Variants in HSD17B3 observed in about 807,000 individuals in gnomAD.
HSD17B3 encodes hydroxysteroid 17-beta dehydrogenase 3, also known as 17-beta-hydroxysteroid dehydrogenase type 3.
Under a neutral mutation model 41.1 loss-of-function variants are expected in HSD17B3, and 29 were observed. The ratio of observed to expected loss-of-function variants is 0.71; its 90% CI spans 0.53 to 0.96. The LOEUF is 0.96. Ranked by LOEUF, HSD17B3 falls within the 40% of genes least tolerant of loss-of-function variation. HSD17B3 has a pLI of 0.00. For missense variants in HSD17B3, 323 were observed against 374.6 expected (o/e 0.86, Z 1.14); for synonymous variants, 126 against 145.6 (o/e 0.87, Z 0.97).
intron 5 of HSD17B3, chr9:96,250,276 C>G (rs548298794): frequency 5.3e-5 from 58 of 1,091,550 alleles, no homozygotes; most frequent in African/African-American, 6.4e-5. Flanking sequence ...AACACAGACA[C>G]ACACAGGCAG....
intron 2 of HSD17B3, among the ~76,000 whole-genome samples, chr9:96,294,297 A>G (rs1827268066): frequency 6.6e-6 from 1 of 152,234 alleles, no homozygotes. Context: ...AAAGTCCACA[A>G]GGAGAAGTAC....
chr9:96,259,861 TTGTTCTGATAGTC>T (rs1307446125), intron 2 of HSD17B3, among the ~76,000 whole-genome samples: 1 of 152,212 alleles, frequency 6.6e-6, no homozygotes, highest in Non-Finnish European at 1.5e-5. Context: ...AATTTTTTAT[TTGTTCTGATAGTC>T]TGTTCATCAG....
intron 2 of HSD17B3, among the ~76,000 whole-genome samples, chr9:96,293,784 A>G (rs957930370): frequency 8.6e-5 from 13 of 152,020 alleles, no homozygotes; most frequent in Non-Finnish European, 1.5e-5. Flanking sequence ...TAAATATCCA[A>G]TAAGAACAAA....
At chr9:96,270,486 G>A (rs1269110113) in intron 2 of HSD17B3, among the ~76,000 whole-genome samples, 1 of 152,226 alleles carries the variant, frequency 6.6e-6, no homozygotes, top group Non-Finnish European at 1.5e-5. Context: ...AGTGCAGATG[G>A]AGGAATTTAG....
chr9:96,266,064 A>G (rs1170199129), intron 2 of HSD17B3, among the ~76,000 whole-genome samples: 1 of 152,258 alleles, frequency 6.6e-6, no homozygotes, highest in Non-Finnish European at 1.5e-5. Flanking sequence ...TAAGCAGCAC[A>G]CAATATGAGG....
At chr9:96,258,544 CA>C (rs1825747664) in intron 2 of HSD17B3, among the ~76,000 whole-genome samples, 1 of 152,188 alleles carries the variant, frequency 6.6e-6, no homozygotes, top group Non-Finnish European at 1.5e-5. Context: ...CCAATATTTG[CA>C]TATTTTTGGC....
intron 2 of HSD17B3, among the ~76,000 whole-genome samples, chr9:96,261,916 T>C (rs1459431819): frequency 6.6e-6 from 1 of 152,190 alleles, no homozygotes; most frequent in African/African-American, 2.4e-5. Flanking sequence ...AGGGGAGATG[T>C]AACTTTCATC....
chr9:96,255,402 T>TTTTTTTTTTTTTTTTTTTTTTTTTTTTC (rs1825606523), intron 2 of HSD17B3, among the ~76,000 whole-genome samples: 1 of 94,210 alleles, frequency 1.1e-5, no homozygotes, highest in African/African-American at 5.1e-5. Flanking sequence ...TTTTTTTTTT[T>TTTTTTTTTTTTTTTTTTTTTTTTTTTTC]TTTTTGCAAT....
chr9:96,266,299 G>C (rs1826041198), intron 2 of HSD17B3, among the ~76,000 whole-genome samples: 1 of 152,156 alleles, frequency 6.6e-6, no homozygotes, highest in Non-Finnish European at 1.5e-5. Context: ...TTTGGAGACA[G>C]TCTCACTCTG....
intron 4 of HSD17B3, among the ~76,000 whole-genome samples, chr9:96,252,593 T>C (rs1825465911): frequency 6.6e-6 from 1 of 151,830 alleles, no homozygotes; most frequent in African/African-American, 2.4e-5. Flanking sequence ...GAAATATGTA[T>C]GTTTGATACA....
At chr9:96,290,456 C>CATT (rs747479797) in intron 2 of HSD17B3, among the ~76,000 whole-genome samples, 15 of 78,418 alleles carry the variant, frequency 1.9e-4, no homozygotes, top group African/African-American at 8.4e-4. Flanking sequence ...ATTTCCTGGG[C>CATT]TTTTTTTTTT....
intron 2 of HSD17B3, among the ~76,000 whole-genome samples, chr9:96,275,004 G>C (rs1397336209): frequency 6.6e-6 from 1 of 151,874 alleles, no homozygotes; most frequent in Non-Finnish European, 1.5e-5. Flanking sequence ...AGCAGCAAGA[G>C]AAAAGTTGGA....
At chr9:96,270,428 A>C (rs543882174) in intron 2 of HSD17B3, among the ~76,000 whole-genome samples, 3 of 152,350 alleles carry the variant, frequency 2.0e-5, no homozygotes, top group African/African-American at 7.2e-5. Context: ...AAAAATAATT[A>C]AAAGCTGCTG....
rs1826610874 is a variant in HSD17B3, at chr9:96,279,777, T to A, written c.201+18639A>T. On this transcript the variant is annotated intron_variant, in intron 2 of 10. Transcript: ENST00000375263. The stretch of plus-strand genomic sequence containing the variant: ...CTACAAAGAGTCTGCTTTGTCACTC[T>A]TTTTTTTTTTTAGATGGAGTCTCGC... Among the ~76,000 whole-genome samples the A allele has an allele frequency of 2.1e-5, 3 of 141,182 alleles. No individual in the cohort carries two copies. The South Asian group carries it at 7.3e-4, about 35-fold the overall frequency. The allele number at this position is 141,182 out of a possible 152,430, so 92.6% of individuals were successfully genotyped here.
Position 96,240,876 on chromosome 9 carries a change from A to G in HSD17B3, c.704T>C (p.Met235Thr), listed in dbSNP as rs776757787. 22 of 1,614,108 alleles carry G rather than the reference A, an allele frequency of 1.4e-5. No homozygotes were observed. The highest frequency in any genetic ancestry group is 1.8e-5 in the Non-Finnish European group (21 of 1,180,042). The change falls in exon 10 of 11, where the codon ATG (methionine) becomes ACG (threonine). Residue 235 changes from methionine (M) to threonine (T), a missense_variant. Transcript: ENST00000375263. ...VLTPYAVSTA[M>T]TKYLNTNVIT... ...CACATTTGTATTTAGATACTTTGTC[A>G]TTGCAGTCGAGACAGCATATGGGGT...
intron 10 of HSD17B3, among the ~76,000 whole-genome samples, chr9:96,238,098 C>T (rs913720484): frequency 6.6e-6 from 1 of 152,210 alleles, no homozygotes; most frequent in Non-Finnish European, 1.5e-5. Context: ...TGATCCTGCA[C>T]TGCACTCCAG....
intron 2 of HSD17B3, among the ~76,000 whole-genome samples, chr9:96,278,455 A>T (rs909601894): frequency 6.6e-6 from 1 of 152,198 alleles, no homozygotes; most frequent in Non-Finnish European, 1.5e-5. Context: ...AATATTTTTT[A>T]AGTTAAAGGA....
At chr9:96,246,623 G>A (rs1398177097) in intron 6 of HSD17B3, 33 bp from the exon 7 acceptor site, 2 of 1,608,744 alleles carry the variant, frequency 1.2e-6, no homozygotes, top group African/African-American at 1.3e-5. Flanking sequence ...AGCCCGACAA[G>A]GAACTAAGTA....
chr9:96,235,886 G>C (rs1204218541), intron 10 of HSD17B3, among the ~76,000 whole-genome samples: 1 of 151,918 alleles, frequency 6.6e-6, no homozygotes. Flanking sequence ...ACTTACTGCA[G>C]CCTCAACCTC....
Sources: allele counts gnomAD v4.1 joint callset (sites outside exome capture counted in the v4.1 genomes callset), GRCh38; gene constraint gnomAD v4.1.1; transcripts MANE v1.5; gene names NCBI Gene and HGNC (gene_info 2026-07-23, HGNC 2026-07-21).